The following IGF2BP2 variants were observed in gnomAD, a reference collection of about 807,000 sequenced individuals.
IGF2BP2 encodes insulin-like growth factor 2 mRNA-binding protein 2.
A neutral mutation model predicts 75.8 loss-of-function variants in IGF2BP2; 17 were observed. That is an observed-to-expected ratio of 0.22 (90% CI 0.15 to 0.34). The LOEUF is 0.34. Among genes scored for constraint, IGF2BP2 ranks in the 10% least tolerant of loss-of-function variants. The pLI is 1.00. For missense variants in IGF2BP2, 516 were observed against 772.4 expected (o/e 0.67, Z 3.93); for synonymous variants, 288 against 295.6 (o/e 0.97, Z 0.26).
chr3:185,774,848 C>A (rs780416843), intron 2 of IGF2BP2, among the ~76,000 whole-genome samples: 1 of 151,708 alleles, frequency 6.6e-6, no homozygotes, highest in Non-Finnish European at 1.5e-5. Context: ...GATGAAACCC[C>A]GTCTCTACTA....
At chr3:185,691,496 C>T (rs1721948679) in intron 5 of IGF2BP2, among the ~76,000 whole-genome samples, 1 of 152,164 alleles carries the variant, frequency 6.6e-6, no homozygotes, top group Non-Finnish European at 1.5e-5. Context: ...ACACTATAAT[C>T]CTGGGATATA....
At chr3:185,801,510 A>G (rs1738266605) in intron 2 of IGF2BP2, among the ~76,000 whole-genome samples, 1 of 151,138 alleles carries the variant, frequency 6.6e-6, no homozygotes, top group Non-Finnish European at 1.5e-5. Context: ...AAAAAAAAAA[A>G]GTCAGGAAAC....
At chr3:185,711,050 GAACA>G (rs747807545) in intron 2 of IGF2BP2, among the ~76,000 whole-genome samples, 2 of 152,124 alleles carry the variant, frequency 1.3e-5, no homozygotes, top group African/African-American at 2.4e-5. Flanking sequence ...AAAAACAGAT[GAACA>G]AACTAGGGAA....
chr3:185,676,985 T>C (rs1457033197), intron 7 of IGF2BP2, among the ~76,000 whole-genome samples: 1 of 136,296 alleles, frequency 7.3e-6, no homozygotes, highest in Non-Finnish European at 1.5e-5. Context: ...TACATATATA[T>C]GGAGATATAT....
At chr3:185,782,653 A>G (rs1263654837) in intron 2 of IGF2BP2, among the ~76,000 whole-genome samples, 1 of 152,160 alleles carries the variant, frequency 6.6e-6, no homozygotes, top group Non-Finnish European at 1.5e-5. Flanking sequence ...CATCACTGGG[A>G]GCGCAGACTG....
intron 3 of IGF2BP2, among the ~76,000 whole-genome samples, chr3:185,697,867 A>G (rs573225070): frequency 3.9e-5 from 6 of 152,232 alleles, no homozygotes; most frequent in African/African-American, 1.4e-4. Context: ...ATCGAGTCCC[A>G]GCTACTCAGG....
chr3:185,689,197 T>C, intron 6 of IGF2BP2, 158 bp downstream of exon 6: 1 of 703,672 alleles, frequency 1.4e-6, no homozygotes, highest in Non-Finnish European at 2.3e-6. Flanking sequence ...CCCAGCTTGA[T>C]GTTAGTCTGT....
chr3:185,714,256 T>C (rs1273221392), intron 2 of IGF2BP2, among the ~76,000 whole-genome samples: 2 of 152,168 alleles, frequency 1.3e-5, no homozygotes, highest in Non-Finnish European at 2.9e-5. Context: ...AGCTGTATAA[T>C]ATTCAGTTTT....
At chr3:185,689,718 C>T in intron 5 of IGF2BP2, 91 bp from the exon 6 acceptor site, 1 of 1,493,218 alleles carries the variant, frequency 6.7e-7, no homozygotes, top group Non-Finnish European at 9.3e-7. Context: ...CCTGTAATCC[C>T]AGCACTTTGG....
intron 2 of IGF2BP2, among the ~76,000 whole-genome samples, chr3:185,704,305 T>C: frequency 6.6e-6 from 1 of 152,192 alleles, no homozygotes. Flanking sequence ...AGTGTGTCTT[T>C]CCTATTCCTC....
intron 2 of IGF2BP2, among the ~76,000 whole-genome samples, chr3:185,798,697 G>T (rs1560487402): frequency 1.3e-5 from 2 of 151,854 alleles, no homozygotes; most frequent in Admixed American, 6.6e-5. Context: ...TTACGAGGGA[G>T]TTTTTTATTA....
In IGF2BP2 at chr3:185,645,995, T is replaced by C. The variant is rs992097451; in HGVS notation, c.1708-372A>G. 1.3e-5 allele frequency among the ~76,000 whole-genome samples: 2 copies of C among 151,598 alleles called. No individual in the cohort carries two copies. Among genetic ancestry groups the C allele is most frequent in the Admixed American group, 1.3e-4 (2 of 15,220 alleles). On this transcript the variant is annotated intron_variant, in intron 15 of 15. Transcript: ENST00000382199. This position sits in a 1 kb window ranked among gnomAD's most constrained non-coding sequence, Gnocchi z 4.9. ...CCGTTCTACAGCGGCTAGGAGGGCA[T>C]GAGTGTGAGGGACAGGGGAGGGAGG...
chr3:185,777,997 T>C (rs1034359124), intron 2 of IGF2BP2, among the ~76,000 whole-genome samples: 6 of 151,946 alleles, frequency 3.9e-5, no homozygotes, highest in Non-Finnish European at 7.4e-5. Flanking sequence ...TGAGCCGAGA[T>C]TGCAAGAGTG....
chr3:185,749,063 C>T (rs1325960406), intron 2 of IGF2BP2, among the ~76,000 whole-genome samples: 1 of 152,030 alleles, frequency 6.6e-6, no homozygotes, highest in South Asian at 2.1e-4. Context: ...ACTTGGGAGG[C>T]TGAGGCAGGA....
chr3:185,800,072 T>C (rs1737996456), intron 2 of IGF2BP2, among the ~76,000 whole-genome samples: 2 of 152,124 alleles, frequency 1.3e-5, no homozygotes, highest in Admixed American at 1.3e-4. Context: ...ATGTGGCACA[T>C]ATACACCATG....
chr3:185,689,078 C>T, intron 6 of IGF2BP2: 1 of 375,126 alleles, frequency 2.7e-6, no homozygotes, highest in Non-Finnish European at 4.8e-6. Flanking sequence ...TTGTAGAAAT[C>T]AATGCATCCA....
At chr3:185,751,494 C>T (rs1730957478) in intron 2 of IGF2BP2, among the ~76,000 whole-genome samples, 1 of 148,656 alleles carries the variant, frequency 6.7e-6, no homozygotes, top group South Asian at 2.1e-4. Flanking sequence ...AGGAGAATTG[C>T]TACTAGAATT....
chr3:185,657,689 G>A (rs1275877623), intron 11 of IGF2BP2, among the ~76,000 whole-genome samples: 1 of 152,214 alleles, frequency 6.6e-6, no homozygotes, highest in Admixed American at 6.5e-5. Flanking sequence ...CAGGTTTTCT[G>A]TCTTATACAA....
intron 7 of IGF2BP2, among the ~76,000 whole-genome samples, chr3:185,677,044 G>GATAGATATAT (rs1553855687): frequency 8.4e-5 from 2 of 23,868 alleles, no homozygotes; most frequent in Non-Finnish European, 1.3e-4. Flanking sequence ...TATATATGGA[G>GATAGATATAT]ATATATATAT....
Sources: gnomAD v4.1 joint callset for allele counts (sites outside exome capture counted in the v4.1 genomes callset) on GRCh38, gnomAD v4.1.1 for gene constraint, Gnocchi (gnomAD v3.1) non-coding constraint, MANE v1.5 for transcripts, NCBI Gene and HGNC (gene_info 2026-07-23, HGNC 2026-07-21) for gene names.